DNASE1: variants seen among roughly 807,000 people sequenced by gnomAD.
DNASE1 encodes the protein deoxyribonuclease 1.
Under a neutral mutation model 33.9 loss-of-function variants are expected in DNASE1, and 40 were observed. The observed-to-expected ratio is 1.18, with a 90% CI of 0.92 to 1.54. The LOEUF (loss-of-function observed/expected upper bound fraction) is 1.54. DNASE1 is among the 40% of genes most tolerant of loss of function. DNASE1 has a pLI of 0.00. For synonymous variants in DNASE1, 216 were observed against 160.0 expected, an observed-to-expected ratio of 1.35 and a Z score of -2.64; for missense variants, 518 against 372.6, an observed-to-expected ratio of 1.39 and a Z score of -3.21.
At chr16:3,634,644 A>G (rs1436647844) in intron 1 of DNASE1, among the ~76,000 whole-genome samples, 1 of 151,612 alleles carries the variant, frequency 6.6e-6, no homozygotes, top group Admixed American at 6.6e-5. Flanking sequence ...CAAGTAGCTG[A>G]GACGACAGGT....
At position 3,618,994 on chromosome 16, in the gene DNASE1, C is replaced by G. The variant is rs145289363; in HGVS notation, c.-1359+6988C>G. 6.5e-3 allele frequency among the ~76,000 whole-genome samples: 995 copies of G among 152,094 alleles called. 11 individuals are homozygous for G. Among genetic ancestry groups the G allele is most frequent in the Middle Eastern group, 0.017 (5 of 292 alleles). The stretch of plus-strand genomic sequence containing the variant: ...TGATCTTCCCAACTTCCTTATCTTC[C>G]TGACTCAGCCTACCTGTAGCTAGAG... On this transcript the variant is annotated intron_variant and NMD_transcript_variant, in intron 1 of 11. Coordinates refer to the DNASE1 transcript ENST00000570769.
downstream of DNASE1, chr16:3,661,643 CG>C (rs1567219687): frequency 8.1e-6 from 2 of 247,670 alleles, no homozygotes. Context: ...AAGTGAGCAA[CG>C]TGAGACTTCA....
At chr16:3,663,142 G>A (rs12918727) in exon 10 of DNASE1, 1 of 666,698 alleles carries the variant, frequency 1.5e-6, no homozygotes, top group Non-Finnish European at 2.5e-6. Context: ...CAGGTTGCCT[G>A]AGGCCCATAC....
exon 10 of DNASE1, chr16:3,664,650 A>AGCTCTGGGG: frequency 1.7e-6 from 1 of 605,912 alleles, no homozygotes; most frequent in Non-Finnish European, 2.8e-6. Context: ...CCCTTTTGGG[A>AGCTCTGGGG]GCTCTGGGGG....
downstream of DNASE1, chr16:3,658,794 T>A: frequency 6.2e-7 from 1 of 1,613,606 alleles, no homozygotes; most frequent in Non-Finnish European, 8.5e-7. Flanking sequence ...TGCACTCACC[T>A]GATCCACCAG....
At chr16:3,646,883 G>A (rs998740124) in intron 1 of DNASE1, among the ~76,000 whole-genome samples, 4 of 152,052 alleles carry the variant, frequency 2.6e-5, no homozygotes, top group Non-Finnish European at 4.4e-5. Context: ...GATGATCTCA[G>A]GTATTCTAGC....
intron 1 of DNASE1, among the ~76,000 whole-genome samples, chr16:3,645,154 TAAAA>T (rs75467325): frequency 3.3e-5 from 5 of 151,594 alleles, no homozygotes; most frequent in Non-Finnish European, 7.4e-5. Flanking sequence ...AAAAAAAAAG[TAAAA>T]AGAAAATCCC....
exon 10 of DNASE1, chr16:3,663,340 C>G: frequency 6.4e-7 from 1 of 1,569,358 alleles, no homozygotes; most frequent in Non-Finnish European, 8.7e-7. Context: ...TGACGAAAAC[C>G]CAAAGGAAGC....
chr16:3,644,519 C>T (rs1018416644), intron 1 of DNASE1, among the ~76,000 whole-genome samples: 3 of 151,560 alleles, frequency 2.0e-5, no homozygotes, highest in Non-Finnish European at 4.4e-5. Flanking sequence ...GCCAAGATTG[C>T]ACCCCTGCAC....
intron 1 of DNASE1, among the ~76,000 whole-genome samples, chr16:3,624,062 A>G (rs1271546354): frequency 1.3e-5 from 2 of 152,146 alleles, no homozygotes; most frequent in Non-Finnish European, 2.9e-5. Context: ...AGGCAGGCGG[A>G]TCACTTGAGT....
intron 1 of DNASE1, among the ~76,000 whole-genome samples, chr16:3,620,056 C>T (rs988483541): frequency 1.3e-5 from 2 of 151,534 alleles, no homozygotes; most frequent in East Asian, 3.9e-4. Context: ...GCTGGGACTA[C>T]GGGCATGCGC....
chr16:3,616,724 A>T (rs535594391), intron 1 of DNASE1, among the ~76,000 whole-genome samples: 1 of 152,250 alleles, frequency 6.6e-6, no homozygotes, highest in Non-Finnish European at 1.5e-5. Flanking sequence ...TCAAGAACGT[A>T]CTTCCTTATA....
chr16:3,626,952 G>C (rs536688082), intron 1 of DNASE1, among the ~76,000 whole-genome samples: 2 of 152,038 alleles, frequency 1.3e-5, no homozygotes, highest in Non-Finnish European at 2.9e-5. Context: ...ACTCACTGCA[G>C]CTTTGAACTC....
Position 3,664,511 on chromosome 16 carries a change from T to A in DNASE1, c.*6558T>A, listed in dbSNP as rs561408701. The A allele has an allele frequency of 5.8e-6, 9 of 1,545,690 alleles. 1 individual carries two copies. The South Asian group carries it at 8.4e-5, about 14-fold the overall frequency. ...TTATTCCAGGCCCATGGGCTCAATG[T>A]TGCCCAACTAACTGGGCGCAAACCC... On this transcript the variant is annotated 3_prime_UTR_variant, in exon 10 of 10. Transcript: ENST00000407479.
chr16:3,627,937 C>CAAAAAA (rs55920324), intron 1 of DNASE1, among the ~76,000 whole-genome samples: 2 of 80,384 alleles, frequency 2.5e-5, no homozygotes, highest in African/African-American at 1.1e-4. Flanking sequence ...TCTATTTCTG[C>CAAAAAA]AAAAAAAAAA....
At chr16:3,633,652 T>C (rs2041772851) in intron 1 of DNASE1, among the ~76,000 whole-genome samples, 1 of 151,806 alleles carries the variant, frequency 6.6e-6, no homozygotes, top group South Asian at 2.1e-4. Context: ...GAGTTTGGTA[T>C]TTACAGTTAC....
downstream of DNASE1, chr16:3,662,601 C>A (rs1040722107): frequency 3.1e-6 from 2 of 635,590 alleles, no homozygotes; most frequent in Admixed American, 2.1e-5. Context: ...GGAACCCCCA[C>A]GTCCTCAGCC....
chr16:3,631,793 G>C (rs938532690), intron 1 of DNASE1, among the ~76,000 whole-genome samples: 5 of 152,178 alleles, frequency 3.3e-5, no homozygotes, highest in African/African-American at 1.2e-4. Context: ...AAAGTGCTGA[G>C]ATTACAGGCA....
upstream of DNASE1, chr16:3,653,195 A>G (rs2042395492): frequency 6.6e-6 from 1 of 152,300 alleles, no homozygotes; most frequent in Non-Finnish European, 1.5e-5. Context: ...ACAACTAAGG[A>G]AAGCCAAGGA....
Sources: allele counts gnomAD v4.1 joint callset (sites outside exome capture counted in the v4.1 genomes callset), GRCh38; gene constraint gnomAD v4.1.1; transcripts MANE v1.5; gene names NCBI Gene and HGNC (gene_info 2026-07-23, HGNC 2026-07-21).